Variants in SNX29 observed in about 807,000 individuals in gnomAD.
SNX29 encodes the protein sorting nexin-29.
A neutral mutation model predicts 102.1 loss-of-function variants in SNX29; 78 were observed. That is an observed-to-expected ratio of 0.76 (90% CI 0.64 to 0.92). The LOEUF is 0.92. Ranked by LOEUF, SNX29 falls within the 40% of genes least tolerant of loss-of-function variation. The probability of loss-of-function intolerance (pLI) is 0.00; values close to 1 mark genes in which losing one functional copy is unlikely to be tolerated. For synonymous variants in SNX29, 580 were observed against 414.5 expected (o/e 1.40, Z -4.85); for missense variants, 1,280 against 1,061.7 (o/e 1.21, Z -2.86).
intron 7 of SNX29, among the ~76,000 whole-genome samples, chr16:12,049,372 G>T (rs1219654647): frequency 1.4e-5 from 2 of 146,572 alleles, no homozygotes; most frequent in African/African-American, 5.1e-5. Flanking sequence ...TCACTCTATT[G>T]CCCGGGTTGG....
chr16:12,097,183 C>T (rs114191251), intron 11 of SNX29, among the ~76,000 whole-genome samples: 2,516 of 152,302 alleles, frequency 0.017, 80 homozygotes, highest in African/African-American at 0.057. Flanking sequence ...CCTTGTCACC[C>T]GTTAACTCAC....
chr16:12,358,650 C>T (rs887150142), intron 16 of SNX29, among the ~76,000 whole-genome samples: 2 of 152,218 alleles, frequency 1.3e-5, no homozygotes, highest in Non-Finnish European at 2.9e-5. Flanking sequence ...GGGTCCAGCC[C>T]CGCACCCTGG....
chr16:12,129,467 G>A (rs1251387289), intron 12 of SNX29, among the ~76,000 whole-genome samples, 163 bp from the exon 13 acceptor site: 1 of 152,226 alleles, frequency 6.6e-6, no homozygotes, highest in African/African-American at 2.4e-5. Flanking sequence ...ATCAATTAGA[G>A]TTTGCTATCT....
intron 13 of SNX29, among the ~76,000 whole-genome samples, chr16:12,165,997 C>T (rs547620285): frequency 3.9e-5 from 6 of 152,274 alleles, no homozygotes; most frequent in South Asian, 2.1e-4. Context: ...AGGGGGTTGT[C>T]GAGAGTTGTT....
chr16:12,455,239 GC>G (rs1597438705), intron 18 of SNX29, among the ~76,000 whole-genome samples: 1 of 152,154 alleles, frequency 6.6e-6, no homozygotes, highest in African/African-American at 2.4e-5. Context: ...GATTTGGGTG[GC>G]AAGTTAGAGC....
chr16:12,554,885 G>A (rs765305628), intron 20 of SNX29, among the ~76,000 whole-genome samples: 7 of 152,170 alleles, frequency 4.6e-5, no homozygotes, highest in South Asian at 2.1e-4. Flanking sequence ...ATGTCAGCAT[G>A]CCATACAGGA....
chr16:12,031,578 G>T (rs370983425), intron 4 of SNX29, among the ~76,000 whole-genome samples: 1 of 151,248 alleles, frequency 6.6e-6, no homozygotes, highest in African/African-American at 2.4e-5. Flanking sequence ...AGGCTGAGGC[G>T]GGCGGATCAT....
chr16:12,533,982 G>A (rs904195275), intron 20 of SNX29, among the ~76,000 whole-genome samples: 1 of 152,206 alleles, frequency 6.6e-6, no homozygotes, highest in Admixed American at 6.5e-5. Context: ...GGGCCACATG[G>A]GGTCCACTGT....
chr16:12,117,154 G>A (rs1297800917), intron 11 of SNX29, among the ~76,000 whole-genome samples: 1 of 148,590 alleles, frequency 6.7e-6, no homozygotes, highest in Non-Finnish European at 1.5e-5. Flanking sequence ...GCTTCAGTGC[G>A]GACGAACCAT....
chr16:12,527,505 G>C, intron 20 of SNX29: 1 of 418,454 alleles, frequency 2.4e-6, no homozygotes, highest in South Asian at 2.3e-5. Context: ...AACGTAACCG[G>C]ATTGTTCACT....
At chr16:12,085,038 C>G (rs993835951) in intron 11 of SNX29, among the ~76,000 whole-genome samples, 4 of 152,006 alleles carry the variant, frequency 2.6e-5, no homozygotes, top group African/African-American at 9.7e-5. Context: ...CCACTGCACT[C>G]CAGCCTGGGT....
At position 12,061,570 on chromosome 16, in the gene SNX29, G is replaced by T. The variant is rs557243289; in HGVS notation, c.1167G>T (p.Trp389Cys). The T allele has an allele frequency of 1.2e-6, 2 of 1,610,884 alleles. No homozygotes were observed. Among genetic ancestry groups the T allele is most frequent in the East Asian group, 4.5e-5 (2 of 44,864 alleles). ...CCTGCCTCTCCCAGATGCACAGCTG[G>T]GCTCCGCTGAAGGTGCTGCACAATG... ...GNTCLSQMHS[W>C]APLKVLHNDS... The change falls in exon 9 of 21, where the codon TGG (tryptophan) becomes TGT (cysteine). Residue 389 changes from tryptophan (W) to cysteine (C), a missense_variant. Trp to Cys is a radical substitution (Grantham distance 215). Transcript: ENST00000566228.
chr16:12,563,268 G>C (rs1389635248), intron 20 of SNX29, among the ~76,000 whole-genome samples: 2 of 152,116 alleles, frequency 1.3e-5, no homozygotes, highest in African/African-American at 4.8e-5. Context: ...GGTAGCAGAG[G>C]AACGTCGGGT....
intron 15 of SNX29, among the ~76,000 whole-genome samples, chr16:12,325,903 C>T (rs1038439483): frequency 1.1e-4 from 16 of 152,070 alleles, no homozygotes; most frequent in African/African-American, 3.6e-4. Flanking sequence ...GGGGCATGTA[C>T]CCGTAGTTTC....
At chr16:12,544,198 C>G (rs2141278136) in intron 20 of SNX29, among the ~76,000 whole-genome samples, 1 of 152,340 alleles carries the variant, frequency 6.6e-6, no homozygotes, top group African/African-American at 2.4e-5. Flanking sequence ...TCAGCCAAGG[C>G]TTCAGAACCG....
chr16:12,013,543 C>A (rs1244776083), intron 3 of SNX29, among the ~76,000 whole-genome samples: 311 of 61,608 alleles, frequency 5.0e-3, no homozygotes, highest in African/African-American at 8.2e-3. Flanking sequence ...ATATATATAT[C>A]GAGAGAGGAG....
intron 18 of SNX29, among the ~76,000 whole-genome samples, chr16:12,470,817 C>G (rs557701255): frequency 1.3e-5 from 2 of 152,310 alleles, no homozygotes; most frequent in East Asian, 3.9e-4. Flanking sequence ...TACACAAAGG[C>G]AGCCGATGAT....
chr16:12,142,788 C>T (rs2054912227), intron 13 of SNX29, among the ~76,000 whole-genome samples: 1 of 151,934 alleles, frequency 6.6e-6, no homozygotes, highest in African/African-American at 2.4e-5. Context: ...ATCTCAAACT[C>T]CTGACCTCAG....
intron 14 of SNX29, among the ~76,000 whole-genome samples, chr16:12,227,199 T>C (rs774360128): frequency 6.6e-6 from 1 of 152,166 alleles, no homozygotes; most frequent in Non-Finnish European, 1.5e-5. Flanking sequence ...TTTCTCCCCA[T>C]TTTACTTCCC....
Sources: gnomAD v4.1 joint callset for allele counts (sites outside exome capture counted in the v4.1 genomes callset) on GRCh38, gnomAD v4.1.1 for gene constraint, MANE v1.5 for transcripts, NCBI Gene and HGNC (gene_info 2026-07-23, HGNC 2026-07-21) for gene names.